The following ADAMTS9 variants were observed in gnomAD, a reference collection of about 807,000 sequenced individuals.
ADAMTS9 encodes A disintegrin and metalloproteinase with thrombospondin motifs 9.
Under a neutral mutation model 257.1 loss-of-function variants are expected in ADAMTS9, and 107 were observed. The ratio of observed to expected loss-of-function variants is 0.42; its 90% CI spans 0.36 to 0.49. ADAMTS9 has a LOEUF of 0.49. ADAMTS9 is among the 20% of genes least tolerant of loss of function. The pLI is 0.03. For missense variants in ADAMTS9, 2,353 were observed against 2,469.1 expected (o/e 0.95, Z 1.00); for synonymous variants, 982 against 880.9 (o/e 1.11, Z -2.03).
intron 11 of ADAMTS9, among the ~76,000 whole-genome samples, chr3:64,642,839 G>A (rs542396736): frequency 7.2e-5 from 11 of 152,140 alleles, no homozygotes; most frequent in Non-Finnish European, 1.2e-4. Flanking sequence ...TTTATCCCCA[G>A]GGAGGACACA....
At chr3:64,593,632 C>CA (rs1039797091) in intron 28 of ADAMTS9, among the ~76,000 whole-genome samples, 4 of 152,188 alleles carry the variant, frequency 2.6e-5, no homozygotes, top group African/African-American at 9.6e-5. Flanking sequence ...AGGACCAAAG[C>CA]AAAAAATGGT....
Position 64,546,908 on chromosome 3 carries a change from C to A in ADAMTS9, c.4914G>T (p.Ser1638=), listed in dbSNP as rs772201252. 1.2e-6 allele frequency: 2 copies of A among 1,613,406 alleles called. No individual in the cohort carries two copies. ...CCTTCCCGGTGTAAATCTCGCTGCA[C>A]GAGACAAGCCTTTGTTTGTAGCCTT... ...CGKGYKQRLV[S]CSEIYTGKEN... is the part of the protein sequence containing the mutation. Residue 1638 remains serine (S), a synonymous_variant, in exon 32 of 40, where the codon TCG becomes TCT. Transcript: ENST00000498707.
chr3:64,622,220 T>G lies in ADAMTS9; in HGVS notation c.2664A>C (p.Gln888His). 1 of 1,613,864 alleles carries G rather than the reference T, an allele frequency of 6.2e-7. No individual in the cohort carries two copies. Among genetic ancestry groups the G allele is most frequent in the Non-Finnish European group, 8.5e-7 (1 of 1,179,840 alleles). The change falls in exon 18 of 40, where the codon CAA (glutamine) becomes CAC (histidine). Residue 888 changes from glutamine (Q) to histidine (H), a missense_variant. Physicochemically the swap from Gln to His is conservative, Grantham distance 24. Around this residue, in one of 3 missense-constraint regions of ADAMTS9, gnomAD observed 1,402 missense variants for 1,441.4 expected, o/e 0.97. Coordinates refer to ENST00000498707, the MANE Select transcript of ADAMTS9 (RefSeq NM_182920.2). ...TACCTTGGCAGGGTTTACTGCATGC[T>G]TGCCATGGCCCATGACTGTTCCAGT... ...QFYWNSHGPW[Q>H]ACSKPCQGER...
At chr3:64,657,775 T>C (rs942145711) in intron 4 of ADAMTS9, among the ~76,000 whole-genome samples, 2 of 152,146 alleles carry the variant, frequency 1.3e-5, no homozygotes, top group Non-Finnish European at 1.5e-5. Context: ...TAGAAACATA[T>C]ACAAAAACTT....
In ADAMTS9 at chr3:64,635,760, T is replaced by C. The variant is rs554928904; in HGVS notation, c.1857-1881A>G. ...CATATGCTGTGTTTCAGAGTCTTTT[T>C]TTTTCTTTTCTTTTTTGGTGCCATT... On this transcript the variant is annotated intron_variant, in intron 12 of 39. Transcript: ENST00000498707. 9.8e-5 allele frequency among the ~76,000 whole-genome samples: 15 copies of C among 152,296 alleles called. No individual in the cohort carries two copies. In the South Asian group the frequency reaches 2.1e-3, roughly 21 times the overall value.
chr3:64,638,968 A>G (rs1465804693), intron 12 of ADAMTS9, among the ~76,000 whole-genome samples: 1 of 152,154 alleles, frequency 6.6e-6, no homozygotes, highest in Non-Finnish European at 1.5e-5. Flanking sequence ...GGCTCGTCGA[A>G]CTGACAAAAG....
chr3:64,605,543 C>T (rs1262404910), intron 23 of ADAMTS9, among the ~76,000 whole-genome samples: 4 of 152,200 alleles, frequency 2.6e-5, no homozygotes, highest in Non-Finnish European at 4.4e-5. Context: ...GATAGTACAT[C>T]AGCCACATGG....
At chr3:64,674,471 T>C (rs1275657932) in intron 3 of ADAMTS9, among the ~76,000 whole-genome samples, 1 of 152,218 alleles carries the variant, frequency 6.6e-6, no homozygotes, top group African/African-American at 2.4e-5. Flanking sequence ...TTCTCATTTG[T>C]AGGATGAGAA....
chr3:64,655,886 G>C lies in ADAMTS9; in HGVS notation c.970-11C>G, dbSNP rs1204443813. ...ATAGATAGAGGCTACCTGCAACCGAGATAAATTTTTCAAAGTTAATTGTGA... is the reference window on the plus strand; with the variant it reads ...ATAGATAGAGGCTACCTGCAACCGACATAAATTTTTCAAAGTTAATTGTGA... On this transcript the variant is annotated splice_polypyrimidine_tract_variant and intron_variant, in intron 4 of 39. Transcript: ENST00000498707. 1.3e-6 allele frequency: 2 copies of C among 1,525,492 alleles called. No individual in the cohort carries two copies. Among genetic ancestry groups the C allele is most frequent in the Non-Finnish European group, 1.8e-6 (2 of 1,138,812 alleles). 94.5% of individuals were successfully genotyped at this position (1,525,492 alleles called of 1,614,324 possible). A position where few individuals can be genotyped will look rare whatever the true frequency, so the allele number is the denominator to read the frequency against.
chr3:64,665,801 G>A (rs1444569267), intron 3 of ADAMTS9, among the ~76,000 whole-genome samples: 1 of 152,118 alleles, frequency 6.6e-6, no homozygotes, highest in Non-Finnish European at 1.5e-5. Flanking sequence ...CCCATATGAA[G>A]GCTCTTTTCT....
chr3:64,669,358 C>T (rs1330619990), intron 3 of ADAMTS9, among the ~76,000 whole-genome samples: 1 of 152,138 alleles, frequency 6.6e-6, no homozygotes, highest in Non-Finnish European at 1.5e-5. Flanking sequence ...CATCCCCTTT[C>T]CAGGCACCAT....
intron 3 of ADAMTS9, among the ~76,000 whole-genome samples, chr3:64,670,469 T>C (rs1701460428): frequency 6.6e-6 from 1 of 152,236 alleles, no homozygotes; most frequent in African/African-American, 2.4e-5. Context: ...CTATACTTTC[T>C]TGCTATGTAG....
intron 28 of ADAMTS9, among the ~76,000 whole-genome samples, chr3:64,579,990 C>G (rs2083953710): frequency 6.6e-6 from 1 of 152,154 alleles, no homozygotes; most frequent in Non-Finnish European, 1.5e-5. Flanking sequence ...ATGCAAGAAA[C>G]ATTGACAGTG....
At chr3:64,594,020 G>T (rs2084313147) in intron 28 of ADAMTS9, among the ~76,000 whole-genome samples, 1 of 148,706 alleles carries the variant, frequency 6.7e-6, no homozygotes, top group Non-Finnish European at 1.5e-5. Flanking sequence ...CTAAGAAAAG[G>T]CAGCTACTTC....
At position 64,594,442 on chromosome 3, in the gene ADAMTS9, A is replaced by G; in HGVS notation, c.4180-8T>C. ...ACCACACAGCTTAGTGCACTGGAAG[A>G]AGGAAAAGGAAGGCTGCAGTTATTT... On this transcript the variant is annotated splice_region_variant and splice_polypyrimidine_tract_variant and intron_variant, in intron 27 of 39. Coordinates refer to ENST00000498707, the MANE Select transcript of ADAMTS9 (RefSeq NM_182920.2). 6.2e-7 allele frequency: 1 copy of G among 1,605,096 alleles called. No individual in the cohort carries two copies. Among genetic ancestry groups the G allele is most frequent in the South Asian group, 1.1e-5 (1 of 89,650 alleles).
At chr3:64,624,764 AT>A (rs1164515642) in intron 16 of ADAMTS9, among the ~76,000 whole-genome samples, 2 of 152,168 alleles carry the variant, frequency 1.3e-5, no homozygotes, top group African/African-American at 4.8e-5. Context: ...TGAAGATGTA[AT>A]TTTGTTGATG....
At chr3:64,540,979 TG>T in intron 36 of ADAMTS9, 115 bp downstream of exon 36, 1 of 97,774 alleles carries the variant, frequency 1.0e-5, no homozygotes, top group Non-Finnish European at 4.8e-5. Context: ...TACTAGCCAA[TG>T]TGCAATGTGC....
At chr3:64,539,698 A>G (rs1054888530) in intron 36 of ADAMTS9, among the ~76,000 whole-genome samples, 1 of 152,200 alleles carries the variant, frequency 6.6e-6, no homozygotes, top group Non-Finnish European at 1.5e-5. Flanking sequence ...GAAATAAGCC[A>G]GGAAGAGAGC....
At chr3:64,526,775 C>T (rs1010652454) in intron 38 of ADAMTS9, among the ~76,000 whole-genome samples, 6 of 152,086 alleles carry the variant, frequency 3.9e-5, no homozygotes, top group Non-Finnish European at 7.4e-5. Context: ...TAATAGTACC[C>T]CATCACGGGT....
Sources: gnomAD v4.1 joint callset for allele counts (sites outside exome capture counted in the v4.1 genomes callset) on GRCh38, gnomAD v4.1.1 for gene constraint, gnomAD v4.1.1 regional missense constraint, MANE v1.5 for transcripts, NCBI Gene and HGNC (gene_info 2026-07-23, HGNC 2026-07-21) for gene names.